The following COASY variants were observed in gnomAD, a reference collection of about 807,000 sequenced individuals.
COASY encodes Coenzyme A synthase, also known as bifunctional coenzyme A synthase.
COASY carries 31 observed loss-of-function variants against 49.4 expected under a neutral mutation model. The observed-to-expected ratio is 0.63, with a 90% CI of 0.47 to 0.85. The LOEUF is 0.85. Ranked by LOEUF, COASY falls within the 40% of genes least tolerant of loss-of-function variation. The probability of loss-of-function intolerance (pLI) is 0.00; values close to 1 mark genes in which losing one functional copy is unlikely to be tolerated. For synonymous variants in COASY, 285 were observed against 310.9 expected (o/e 0.92, Z 0.88); for missense variants, 730 against 734.1 (o/e 0.99, Z 0.06).
chr17:42,564,931 A>G, intron 4 of COASY, 33 bp downstream of exon 4: 1 of 1,613,660 alleles, frequency 6.2e-7, no homozygotes, highest in Admixed American at 1.7e-5. Flanking sequence ...AGTGGCCTGG[A>G]GTGAGGAGCT....
rs573884678 is a variant in COASY at position 42,562,849 on chromosome 17, A to G, written c.227A>G (p.Asp76Gly). ...DFITHLYAGADVHRHLDVRIL... is the reference protein window; with the variant it reads ...DFITHLYAGAGVHRHLDVRIL... ...ATCACGCACCTCTATGCTGGCGCCG[A>G]CGTCCACAGGCACTTGGACGTCAGA... The change falls in exon 1 of 9, where the codon GAC becomes GGC. Residue 76 changes from aspartate to glycine, a missense_variant. Transcript: ENST00000393818. 1.4e-5 allele frequency: 23 copies of G among 1,613,348 alleles called. No individual in the cohort carries two copies. Among genetic ancestry groups the G allele is most frequent in the Non-Finnish European group, 1.9e-5 (22 of 1,179,606 alleles).
Position 42,563,146 on chromosome 17 carries a change from G to C in COASY, c.524G>C (p.Arg175Thr), listed in dbSNP as rs372513950. The C allele has an allele frequency of 6.2e-7, 1 of 1,613,826 alleles. No homozygotes were observed. Among genetic ancestry groups the C allele is most frequent in the Admixed American group, 1.7e-5 (1 of 60,008 alleles). Residue 175 changes from arginine to threonine, a missense_variant, in exon 1 of 9, where the codon AGG becomes ACG. Transcript: ENST00000393818. ...GATGTCCCCTTACCCTCCACGATCA[G>C]GCCAGCTTCCCCCGTGGCCGGGTCT... is the stretch of plus-strand genomic sequence containing the variant. ...PLDVPLPSTI[R>T]PASPVAGSPK... is the part of the protein sequence containing the mutation.
rs777983479 is a variant in COASY at position 42,563,279 on chromosome 17, G to C, written c.657G>C (p.Gln219His). 6.2e-7 allele frequency: 1 copy of C among 1,606,300 alleles called. No homozygotes were observed. Among genetic ancestry groups the C allele is most frequent in the Admixed American group, 1.7e-5 (1 of 59,984 alleles). Residue 219 changes from glutamine (Q) to histidine (H), a missense_variant, in exon 1 of 9, where the codon CAG (glutamine) becomes CAC (histidine). Gln to His is a conservative substitution (Grantham distance 24). Coordinates refer to ENST00000393818, the MANE Select transcript of COASY (RefSeq NM_025233.7). The part of the protein sequence containing the change: ...VLLSVACILA[Q>H]EQLVVGVADK... ...TCAGTGTCGCGTGCATCCTGGCCCA[G>C]GAGCAGCTTGTGGTGGGAGTAGCAG...
chr17:42,564,692 C>T lies in COASY; in HGVS notation c.1048-17C>T, dbSNP rs370580318. On this transcript the variant is annotated splice_polypyrimidine_tract_variant and intron_variant, in intron 3 of 8. Coordinates refer to ENST00000393818, the MANE Select transcript of COASY (RefSeq NM_025233.7). Reference sequence around the variant, plus strand: ...GAGGGCCCCAGTAACTGTGGGTTCCCTTTCACCTATCCCCAGGAAAGGCCA... The same window carrying T: ...GAGGGCCCCAGTAACTGTGGGTTCCTTTTCACCTATCCCCAGGAAAGGCCA... 2.5e-5 allele frequency: 38 copies of T among 1,527,280 alleles called. No homozygotes were observed. The highest frequency in any genetic ancestry group is 3.2e-5 in the Non-Finnish European group (36 of 1,141,296). The allele number at this position is 1,527,280 out of a possible 1,614,324, so 94.6% of individuals were successfully genotyped here. A position where few individuals can be genotyped will look rare whatever the true frequency, so the allele number is the denominator to read the frequency against.
intron 3 of COASY, 27 bp from the exon 4 acceptor site, chr17:42,564,682 T>A (rs376935671): frequency 2.2e-5 from 33 of 1,528,064 alleles, no homozygotes; most frequent in Non-Finnish European, 2.9e-5. Context: ...CCCCAGTAAC[T>A]GTGGGTTCCC....
At position 42,565,035 on chromosome 17, in the gene COASY, G is replaced by A. The variant is rs768391053; in HGVS notation, c.1290G>A (p.Val430=). Residue 430 remains valine, a synonymous_variant, in exon 5 of 9, where the codon GTG becomes GTA. Coordinates refer to ENST00000393818, the MANE Select transcript of COASY (RefSeq NM_025233.7). The part of the protein sequence containing the change: ...IINRKVLGSR[V]FGNKKQLKIL... ...ACAGGAAGGTCCTAGGCAGCCGGGT[G>A]TTTGGGAATAAGGTAAACAATAACT... 6.2e-6 allele frequency: 10 copies of A among 1,614,178 alleles called. No homozygotes were observed. Among genetic ancestry groups the A allele is most frequent in the Non-Finnish European group, 8.5e-6 (10 of 1,180,014 alleles).
In COASY at chr17:42,564,511, A is replaced by G. The variant is rs902304931; in HGVS notation, c.981A>G (p.Glu327=). ...LLKDLRHTEN[E]EDKVSSSSFR... is the part of the protein sequence containing the mutation. ...AGGACCTCAGACATACAGAGAATGA[A>G]GAGGACAAAGTCAGCTCCTCCAGCT... Residue 327 remains glutamate (E), a synonymous_variant, in exon 3 of 9, where the codon GAA becomes GAG. Transcript: ENST00000393818. 6.2e-7 allele frequency: 1 copy of G among 1,613,482 alleles called. No homozygotes were observed. The highest frequency in any genetic ancestry group is 1.7e-5 in the Admixed American group (1 of 59,916).
In COASY at chr17:42,566,191, T is replaced by G. The variant is rs921521643; in HGVS notation, c.*223T>G. 3.4e-6 allele frequency: 2 copies of G among 584,056 alleles called. No individual in the cohort carries two copies. Among genetic ancestry groups the G allele is most frequent in the Non-Finnish European group, 6.1e-6 (2 of 326,882 alleles). 36.2% of individuals were successfully genotyped at this position (584,056 alleles called of 1,614,324 possible). On this transcript the variant is annotated 3_prime_UTR_variant, in exon 9 of 9. Transcript: ENST00000393818. ...GGGGGAGCAGTCCCCTCCCCACTCTTGCCCATGGGTGACTCTTACCCACAG... is the reference window on the plus strand; with the variant it reads ...GGGGGAGCAGTCCCCTCCCCACTCTGGCCCATGGGTGACTCTTACCCACAG...
rs1200043072 is a variant in COASY at position 42,564,802 on chromosome 17, C to T, written c.1141C>T (p.Leu381=). Reference sequence around the variant, plus strand: ...CTCAATAGCTCAGCGACTGAAGGGCCTGGGGGCGTTTGTCATTGACAGTGA... The same window carrying T: ...CTCAATAGCTCAGCGACTGAAGGGCTTGGGGGCGTTTGTCATTGACAGTGA... The part of the protein sequence containing the change: ...KSSIAQRLKG[L]GAFVIDSDHL... The change falls in exon 4 of 9, where the codon CTG becomes TTG. Residue 381 remains leucine (L), a synonymous_variant. Transcript: ENST00000393818. 2 of 1,554,958 alleles carry T rather than the reference C, an allele frequency of 1.3e-6. No individual in the cohort carries two copies. The highest frequency in any genetic ancestry group is 2.5e-5 in the South Asian group (2 of 80,410).
In COASY at chr17:42,564,869, A is replaced by G. The variant is rs1001208684; in HGVS notation, c.1208A>G (p.Tyr403Cys). Residue 403 changes from tyrosine (Y) to cysteine (C), a missense_variant, in exon 4 of 9, where the codon TAC (tyrosine) becomes TGC (cysteine). Tyr to Cys is a radical substitution (Grantham distance 194, BLOSUM62 -2). Coordinates refer to ENST00000393818, the MANE Select transcript of COASY (RefSeq NM_025233.7). ...GCCTATGCCCCAGGTGGCCCTGCCTACCAGCCTGTGGTGGAGGCCTTTGGA... is the reference window on the plus strand; with the variant it reads ...GCCTATGCCCCAGGTGGCCCTGCCTGCCAGCCTGTGGTGGAGGCCTTTGGA... The part of the protein sequence containing the change: ...HRAYAPGGPA[Y>C]QPVVEAFGTD... 4.4e-6 allele frequency: 7 copies of G among 1,599,532 alleles called. No individual in the cohort carries two copies. The highest frequency in any genetic ancestry group is 1.3e-5 in the African/African-American group (1 of 74,318).
Position 42,565,924 on chromosome 17 carries a change from C to T in COASY, c.1651C>T (p.Leu551Phe), listed in dbSNP as rs1297788521. The T allele has an allele frequency of 2.2e-5, 35 of 1,613,818 alleles. No homozygotes were observed. Among genetic ancestry groups the T allele is most frequent in the Non-Finnish European group, 2.9e-5 (34 of 1,180,034 alleles). Residue 551 changes from leucine (L) to phenylalanine (F), a missense_variant, in exon 9 of 9, where the codon CTC becomes TTC. Transcript: ENST00000393818. ...TCTGAAGGTGGAGAAAGCCTGGGCC[C>T]TCTTGCAGAAGCGCATTCCCAAGAC... ...TQRQVEKAWA[L>F]LQKRIPKTHQ...
At chr17:42,563,507 G>T (rs2092987928) in intron 1 of COASY, 185 bp downstream of exon 1, 2 of 618,788 alleles carry the variant, frequency 3.2e-6, no homozygotes, top group South Asian at 2.1e-5. Flanking sequence ...TCAGCATGTG[G>T]TCCAGTCACC....
In COASY at chr17:42,566,050, C is replaced by T; in HGVS notation, c.*82C>T. 4 of 1,463,644 alleles carry T rather than the reference C, an allele frequency of 2.7e-6. No individual in the cohort carries two copies. The highest frequency in any genetic ancestry group is 1.4e-5 in the African/African-American group (1 of 71,956). 90.7% of individuals were successfully genotyped at this position (1,463,644 alleles called of 1,614,324 possible). On this transcript the variant is annotated 3_prime_UTR_variant, in exon 9 of 9. Transcript: ENST00000393818. Reference sequence around the variant, plus strand: ...GGAGAAATGGGGGCCTTGATGCTCACCCTGGTTCAGGCCCAGAGGTCCAAG... The same window carrying T: ...GGAGAAATGGGGGCCTTGATGCTCATCCTGGTTCAGGCCCAGAGGTCCAAG...
chr17:42,563,035 C>T lies in COASY; in HGVS notation c.413C>T (p.Thr138Ile), dbSNP rs746962904. The change falls in exon 1 of 9, where the codon ACC becomes ATC. Residue 138 changes from threonine to isoleucine, a missense_variant. Transcript: ENST00000393818. ...AAACAGCAGCTAGTGCGTTACGCCA[C>T]CAGCTGTTACAGCTGTTGTCCGCGA... ...PVKQQLVRYA[T>I]SCYSCCPRLA... 5.0e-6 allele frequency: 8 copies of T among 1,614,188 alleles called. No homozygotes were observed. In the East Asian group the frequency reaches 1.1e-4, roughly 22 times the overall value.
In COASY at chr17:42,562,754, C is replaced by T. The variant is rs1394347271; in HGVS notation, c.132C>T (p.Gly44=). 2.5e-6 allele frequency: 4 copies of T among 1,594,698 alleles called. No homozygotes were observed. Among genetic ancestry groups the T allele is most frequent in the Non-Finnish European group, 3.4e-6 (4 of 1,167,050 alleles). The part of the protein sequence containing the change: ...NHTLYVHLQP[G]MSLEGPAQPQ... ...CACTCTATGTTCACCTGCAGCCGGG[C>T]ATGAGCCTGGAGGGCCCGGCTCAGC... The change falls in exon 1 of 9, where the codon GGC becomes GGT. Residue 44 remains glycine, a synonymous_variant. Transcript: ENST00000393818.
In COASY at chr17:42,562,637, G is replaced by T. The variant is rs2092981077; in HGVS notation, c.15G>T (p.Arg5=). Residue 5 remains arginine, a synonymous_variant, in exon 1 of 9, where the codon CGG becomes CGT. Transcript: ENST00000393818. ...GCCTGGGCAGCATGGCCGTATTCCG[G>T]TCGGGTCTCCTGGTGCTGACGACGC... MAVF[R]SGLLVLTTPL... 4 of 1,521,984 alleles carry T rather than the reference G, an allele frequency of 2.6e-6. No individual in the cohort carries two copies. Among genetic ancestry groups the T allele is most frequent in the African/African-American group, 2.8e-5 (2 of 72,182 alleles). 94.3% of individuals were successfully genotyped at this position (1,521,984 alleles called of 1,614,324 possible).
In COASY at chr17:42,564,883, G is replaced by A. The variant is rs71377286; in HGVS notation, c.1222G>A (p.Glu408Lys). The A allele has an allele frequency of 1.2e-6, 2 of 1,607,720 alleles. No homozygotes were observed. The highest frequency in any genetic ancestry group is 1.7e-6 in the Non-Finnish European group (2 of 1,176,136). Residue 408 changes from glutamate to lysine, a missense_variant, in exon 4 of 9, where the codon GAG becomes AAG. Transcript: ENST00000393818. ...PGGPAYQPVV[E>K]AFGTDILHKD... is the part of the protein sequence containing the mutation. ...TGGCCCTGCCTACCAGCCTGTGGTG[G>A]AGGCCTTTGGAACAGGTAATAACTG...
rs1043142706 is a variant in COASY at position 42,566,032 on chromosome 17, T to C, written c.*64T>C. 10 of 1,549,168 alleles carry C rather than the reference T, an allele frequency of 6.5e-6. No individual in the cohort carries two copies. In the East Asian group the frequency reaches 2.2e-4, roughly 35 times the overall value. Reference sequence around the variant, plus strand: ...CAAGCGACCCCGTGGTGAGGAGAAATGGGGGCCTTGATGCTCACCCTGGTT... The same window carrying C: ...CAAGCGACCCCGTGGTGAGGAGAAACGGGGGCCTTGATGCTCACCCTGGTT... On this transcript the variant is annotated 3_prime_UTR_variant, in exon 9 of 9. Transcript: ENST00000393818.
Position 42,562,952 on chromosome 17 carries a change from G to T in COASY, c.330G>T (p.Pro110=). 6.2e-7 allele frequency: 1 copy of T among 1,613,774 alleles called. No individual in the cohort carries two copies. Among genetic ancestry groups the T allele is most frequent in the Non-Finnish European group, 8.5e-7 (1 of 1,179,794 alleles). ...LPTSVQNLAH[P]PEVVLTDFQT... ...CCTCAGTCCAGAATCTCGCCCACCC[G>T]CCAGAAGTCGTGTTGACAGATTTCC... Residue 110 remains proline, a synonymous_variant, in exon 1 of 9, where the codon CCG becomes CCT. Transcript: ENST00000393818.
Sources: gnomAD v4.1 joint callset for allele counts on GRCh38, gnomAD v4.1.1 for gene constraint, MANE v1.5 for transcripts, NCBI Gene and HGNC (gene_info 2026-07-23, HGNC 2026-07-21) for gene names.